The following DNAH12 variants were observed in gnomAD, a reference collection of about 807,000 sequenced individuals.
DNAH12 encodes axonemal beta dynein heavy chain 12.
A neutral mutation model predicts 371.5 loss-of-function variants in DNAH12; 285 were observed. That is an observed-to-expected ratio of 0.77 (90% confidence interval 0.70 to 0.85). DNAH12 has a LOEUF of 0.85. Among genes scored for constraint, DNAH12 ranks in the 40% least tolerant of loss-of-function variants. The pLI is 0.00. For synonymous variants in DNAH12, 1,200 were observed against 1,213.0 expected (o/e 0.99, Z 0.22); for missense variants, 3,611 against 3,689.4 (o/e 0.98, Z 0.55).
intron 29 of DNAH12, 119 bp downstream of exon 29, chr3:57,444,578 C>CA: frequency 7.0e-7 from 1 of 1,422,308 alleles, no homozygotes. Flanking sequence ...CTAAAGTGGA[C>CA]AAAATAGGGG....
Position 57,407,281 on chromosome 3 carries a change from G to GAAA in DNAH12, c.6276+996_6276+998dup, listed in dbSNP as rs35245549. Among the ~76,000 whole-genome samples, 623 of 133,546 alleles carry GAAA rather than the reference G, an allele frequency of 4.7e-3. 12 individuals are homozygous for GAAA. Among genetic ancestry groups the GAAA allele is most frequent in the African/African-American group, 8.0e-3 (282 of 35,388 alleles). 87.6% of individuals were successfully genotyped at this position (133,546 alleles called of 152,430 possible). On this transcript the variant is annotated intron_variant, in intron 40 of 73. Transcript: ENST00000495027. ...GTAGGTCTATAATGCTTCAAAGACA[G>GAAA]AAAAAAAAAAAAAAAAGCCGGGGGT...
At chr3:57,391,539 G>T (rs1170148576) in intron 45 of DNAH12, among the ~76,000 whole-genome samples, 6 of 152,092 alleles carry the variant, frequency 3.9e-5, no homozygotes, top group African/African-American at 1.2e-4. Context: ...ATTTCCTATT[G>T]ATTCCTAATA....
At chr3:57,310,258 A>C (rs1006709339) in intron 67 of DNAH12, among the ~76,000 whole-genome samples, 2 of 152,180 alleles carry the variant, frequency 1.3e-5, no homozygotes, top group Non-Finnish European at 2.9e-5. Flanking sequence ...TCCTTTATCT[A>C]GTCATGTCTC....
chr3:57,520,043 G>A (rs1026129763), intron 4 of DNAH12: 2 of 673,970 alleles, frequency 3.0e-6, no homozygotes, highest in Non-Finnish European at 5.2e-6. Flanking sequence ...CCGACGTTGG[G>A]TTGGGGAAAG....
intron 42 of DNAH12, among the ~76,000 whole-genome samples, chr3:57,404,152 T>C (rs1168339497): frequency 1.3e-5 from 2 of 152,298 alleles, no homozygotes; most frequent in East Asian, 3.9e-4. Flanking sequence ...GAGACACGGA[T>C]GTGAATTTTC....
chr3:57,438,690 C>T (rs902089327), intron 29 of DNAH12, among the ~76,000 whole-genome samples: 1 of 151,826 alleles, frequency 6.6e-6, no homozygotes, highest in African/African-American at 2.4e-5. Flanking sequence ...CGGTGGCCCA[C>T]GTCTGTAATC....
intron 39 of DNAH12, among the ~76,000 whole-genome samples, chr3:57,408,853 G>C (rs1186193106): frequency 2.0e-5 from 3 of 152,066 alleles, no homozygotes; most frequent in Non-Finnish European, 4.4e-5. Context: ...GCATGGATGA[G>C]TGATCAATCC....
rs1182466919 is a variant in DNAH12 at position 57,376,221 on chromosome 3, G to GA, written c.8466-257dup. ...TGCAGGACTTGGCCCTTCAGAAAAA[G>GA]AAAAAAAAAAACAAAACCCAAACAC... On this transcript the variant is annotated intron_variant, in intron 53 of 73. Transcript: ENST00000495027. Among the ~76,000 whole-genome samples the GA allele has an allele frequency of 2.2e-3, 309 of 138,094 alleles. 1 individual carries two copies. The highest frequency in any genetic ancestry group is 0.014 in the East Asian group (66 of 4,794). The allele number at this position is 138,094 out of a possible 152,430, so 90.6% of individuals were successfully genotyped here.
chr3:57,534,729 G>C (rs779068270), intron 2 of DNAH12, among the ~76,000 whole-genome samples: 2 of 151,948 alleles, frequency 1.3e-5, no homozygotes, highest in Admixed American at 1.3e-4. Flanking sequence ...GTCTGGTCTC[G>C]AACTCCTGAC....
At chr3:57,499,645 A>ATATATAT (rs1246732869) in intron 11 of DNAH12, among the ~76,000 whole-genome samples, 34 of 23,356 alleles carry the variant, frequency 1.5e-3, no homozygotes, top group African/African-American at 4.9e-3. Flanking sequence ...AAAAAAAAAA[A>ATATATAT]AAATATATAT....
intron 62 of DNAH12, among the ~76,000 whole-genome samples, chr3:57,331,738 C>T (rs1372112770): frequency 7.0e-6 from 1 of 143,208 alleles, no homozygotes; most frequent in African/African-American, 2.5e-5. Context: ...AGATTCTTTC[C>T]TCAAACAAAC....
chr3:57,357,015 T>C (rs1480636511), intron 59 of DNAH12, among the ~76,000 whole-genome samples, 161 bp downstream of exon 59: 7 of 152,298 alleles, frequency 4.6e-5, no homozygotes, highest in Non-Finnish European at 7.4e-5. Flanking sequence ...AGTGCTGAGA[T>C]TACAGGTGTG....
intron 29 of DNAH12, among the ~76,000 whole-genome samples, chr3:57,438,918 C>CAAAAAA (rs57608649): frequency 6.3e-5 from 6 of 94,496 alleles, no homozygotes; most frequent in African/African-American, 2.4e-4. Context: ...CTGTCTCAGA[C>CAAAAAA]AAAAAAAAAA....
intron 60 of DNAH12, among the ~76,000 whole-genome samples, chr3:57,345,069 T>C (rs1160143797): frequency 2.0e-5 from 3 of 152,144 alleles, no homozygotes; most frequent in Non-Finnish European, 4.4e-5. Context: ...TTATATACTA[T>C]ATTCTTACAA....
At chr3:57,501,506 A>G in intron 10 of DNAH12, 94 bp from the exon 11 acceptor site, 1 of 765,908 alleles carries the variant, frequency 1.3e-6, no homozygotes, top group South Asian at 1.8e-5. Flanking sequence ...GACCTACTCA[A>G]TTAAATATTA....
intron 4 of DNAH12, among the ~76,000 whole-genome samples, chr3:57,516,450 G>T (rs1190279973): frequency 1.3e-5 from 2 of 152,038 alleles, no homozygotes; most frequent in Non-Finnish European, 2.9e-5. Context: ...CAATGAAATT[G>T]GTCCTCTCCC....
chr3:57,463,621 C>A (rs138487485), intron 17 of DNAH12, among the ~76,000 whole-genome samples: 1 of 152,028 alleles, frequency 6.6e-6, no homozygotes, highest in Non-Finnish European at 1.5e-5. Flanking sequence ...TTAAGGACTT[C>A]GTTTTAACCT....
At chr3:57,389,229 A>AG (rs2063558901) in intron 45 of DNAH12, among the ~76,000 whole-genome samples, 1 of 127,680 alleles carries the variant, frequency 7.8e-6, no homozygotes, top group East Asian at 2.4e-4. Flanking sequence ...GCAGGTCCAC[A>AG]GGAAAAAAAA....
intron 60 of DNAH12, among the ~76,000 whole-genome samples, chr3:57,338,816 C>A (rs906633449): frequency 6.6e-6 from 1 of 152,232 alleles, no homozygotes; most frequent in Non-Finnish European, 1.5e-5. Flanking sequence ...TCTGCCTGGC[C>A]GCTGTGCAAT....
Sources: gnomAD v4.1 joint callset for allele counts (sites outside exome capture counted in the v4.1 genomes callset) on GRCh38, gnomAD v4.1.1 for gene constraint, MANE v1.5 for transcripts, NCBI Gene and HGNC (gene_info 2026-07-23, HGNC 2026-07-21) for gene names.